Variants in SLC41A2 observed in about 807,000 individuals in gnomAD.
SLC41A2 encodes the protein solute carrier family 41 member 2, also known as SLC41A1-like 1.
SLC41A2 carries 32 observed loss-of-function variants against 58.3 expected under a neutral mutation model. The observed-to-expected ratio is 0.55, with a 90% CI of 0.41 to 0.74. The LOEUF (loss-of-function observed/expected upper bound fraction) is 0.74, where lower values mean the gene tolerates loss of function less well. SLC41A2 is among the 30% of genes least tolerant of loss of function. SLC41A2 has a pLI of 0.00. For missense variants in SLC41A2, 514 were observed against 680.6 expected (o/e 0.76, Z 2.72); for synonymous variants, 190 against 235.0 (o/e 0.81, Z 1.75).
At chr12:104,816,237 A>T (rs374727792) in intron 10 of SLC41A2, among the ~76,000 whole-genome samples, 6 of 152,222 alleles carry the variant, frequency 3.9e-5, no homozygotes, top group African/African-American at 9.7e-5. Context: ...CAACCCAAAA[A>T]ACAAGAACAC....
At chr12:104,854,522 C>A (rs1246976281) in intron 8 of SLC41A2, among the ~76,000 whole-genome samples, 1 of 150,770 alleles carries the variant, frequency 6.6e-6, no homozygotes, top group Non-Finnish European at 1.5e-5. Flanking sequence ...GAGATCGCGC[C>A]ACTGCAGTCC....
At chr12:104,915,757 G>A (rs976829059) in intron 2 of SLC41A2, among the ~76,000 whole-genome samples, 2 of 152,014 alleles carry the variant, frequency 1.3e-5, no homozygotes, top group Non-Finnish European at 2.9e-5. Flanking sequence ...TGAATACCCT[G>A]TATTTCCTTC....
At chr12:104,918,984 C>A (rs2046464303) in intron 2 of SLC41A2, among the ~76,000 whole-genome samples, 1 of 152,130 alleles carries the variant, frequency 6.6e-6, no homozygotes, top group Non-Finnish European at 1.5e-5. Context: ...TCCTAATTCT[C>A]TTTTAGAGCC....
chr12:104,881,970 C>A (rs1016171441), intron 6 of SLC41A2, among the ~76,000 whole-genome samples: 8 of 152,062 alleles, frequency 5.3e-5, no homozygotes, highest in Non-Finnish European at 1.2e-4. Context: ...GTAGGTCTCT[C>A]AGGACTTGCT....
chr12:104,838,589 G>A (rs2042293298), intron 10 of SLC41A2, among the ~76,000 whole-genome samples: 1 of 152,048 alleles, frequency 6.6e-6, no homozygotes, highest in South Asian at 2.1e-4. Context: ...GCTAAAAGCA[G>A]TTTCATATTT....
chr12:104,943,711 G>T (rs868517906), intron 1 of SLC41A2, among the ~76,000 whole-genome samples: 11 of 151,994 alleles, frequency 7.2e-5, no homozygotes, highest in Middle Eastern at 3.4e-3. Context: ...CCTGCTGAGA[G>T]GGGGGACTGA....
intron 9 of SLC41A2, among the ~76,000 whole-genome samples, chr12:104,845,294 A>G (rs2136334405): frequency 6.6e-6 from 1 of 152,340 alleles, no homozygotes; most frequent in South Asian, 2.1e-4. Flanking sequence ...CTGTCTCAAC[A>G]ACAACAAAAA....
chr12:104,921,461 G>C (rs2046591101), intron 2 of SLC41A2, among the ~76,000 whole-genome samples: 1 of 151,548 alleles, frequency 6.6e-6, no homozygotes, highest in African/African-American at 2.4e-5. Context: ...GGCCAGAAGA[G>C]GGTGAAATAA....
At chr12:104,832,941 C>T (rs2042089692) in intron 10 of SLC41A2, among the ~76,000 whole-genome samples, 1 of 152,014 alleles carries the variant, frequency 6.6e-6, no homozygotes, top group Non-Finnish European at 1.5e-5. Flanking sequence ...AGCTATTGTC[C>T]CAGCAGATGG....
chr12:104,815,536 T>C (rs1391430934), intron 10 of SLC41A2, among the ~76,000 whole-genome samples: 1 of 152,224 alleles, frequency 6.6e-6, no homozygotes. Context: ...CAACATTCCC[T>C]TGTGTTAGCA....
At chr12:104,819,562 G>A (rs1457050569) in intron 10 of SLC41A2, among the ~76,000 whole-genome samples, 3 of 152,086 alleles carry the variant, frequency 2.0e-5, no homozygotes, top group Admixed American at 2.0e-4. Flanking sequence ...AGGCAAATAA[G>A]ACTAATAAAT....
chr12:104,844,665 G>T (rs988070081), intron 9 of SLC41A2, 45 bp from the exon 10 acceptor site: 7 of 1,158,910 alleles, frequency 6.0e-6, no homozygotes, highest in Middle Eastern at 3.0e-4. Context: ...ATTATATTTT[G>T]GTTAATAATA....
intron 1 of SLC41A2, chr12:104,931,588 G>T (rs1168204941): frequency 6.6e-6 from 1 of 152,194 alleles, no homozygotes; most frequent in Non-Finnish European, 1.5e-5. Context: ...TGTGATAAAG[G>T]CTATGGAGGA....
intron 10 of SLC41A2, among the ~76,000 whole-genome samples, chr12:104,813,646 TTTTG>T (rs1295609187): frequency 2.0e-5 from 3 of 152,194 alleles, no homozygotes; most frequent in African/African-American, 7.2e-5. Context: ...TTTTGTTTTG[TTTTG>T]TTTGAGATAG....
chr12:104,934,574 T>A (rs73383457), intron 1 of SLC41A2, among the ~76,000 whole-genome samples: 4,844 of 152,268 alleles, frequency 0.032, 267 homozygotes, highest in African/African-American at 0.11. Flanking sequence ...GGATTCTATC[T>A]GCACTCCCAT....
intron 2 of SLC41A2, among the ~76,000 whole-genome samples, chr12:104,913,824 C>G (rs577903014): frequency 6.6e-6 from 1 of 152,230 alleles, no homozygotes; most frequent in Admixed American, 6.5e-5. Flanking sequence ...GTAATCCCAG[C>G]ACTCTGGAAG....
chr12:104,927,731 G>C (rs1025031782), intron 2 of SLC41A2, among the ~76,000 whole-genome samples: 1 of 151,882 alleles, frequency 6.6e-6, no homozygotes, highest in Non-Finnish European at 1.5e-5. Flanking sequence ...GCTCTTCCAA[G>C]GTCTGTAGAG....
At chr12:104,906,559 T>C (rs2045860417) in intron 3 of SLC41A2, among the ~76,000 whole-genome samples, 1 of 152,174 alleles carries the variant, frequency 6.6e-6, no homozygotes, top group African/African-American at 2.4e-5. Context: ...AAATCTGATC[T>C]TGGACTTCCA....
At chr12:104,881,891 ATCTG>A (rs2044388095) in intron 6 of SLC41A2, among the ~76,000 whole-genome samples, 1 of 152,272 alleles carries the variant, frequency 6.6e-6, no homozygotes, top group Middle Eastern at 3.4e-3. Context: ...TGTCTCGTTG[ATCTG>A]TCTAATGTTG....
Sources: gnomAD v4.1 joint callset for allele counts (sites outside exome capture counted in the v4.1 genomes callset) on GRCh38, gnomAD v4.1.1 for gene constraint, MANE v1.5 for transcripts, NCBI Gene and HGNC (gene_info 2026-07-23, HGNC 2026-07-21) for gene names.